The following IL1RAP variants were observed in gnomAD, a reference collection of about 807,000 sequenced individuals.
IL1RAP encodes the protein interleukin 1 receptor accessory protein.
A neutral mutation model predicts 60.7 loss-of-function variants in IL1RAP; 35 were observed. The ratio of observed to expected loss-of-function variants is 0.58; its 90% confidence interval spans 0.44 to 0.76. The LOEUF (loss-of-function observed/expected upper bound fraction) is 0.76. Ranked by LOEUF, IL1RAP falls within the 30% of genes least tolerant of loss-of-function variation. The pLI, the probability that IL1RAP is intolerant of heterozygous loss-of-function variation, is 0.00. For synonymous variants in IL1RAP, 268 were observed against 250.9 expected (o/e 1.07, Z -0.64); for missense variants, 572 against 693.9 (o/e 0.82, Z 1.97).
downstream of IL1RAP, among the ~76,000 whole-genome samples, chr3:190,653,106 C>A (rs1734475802): frequency 1.3e-5 from 2 of 152,164 alleles, no homozygotes; most frequent in African/African-American, 4.8e-5. Context: ...TAATCTACAT[C>A]TATTTAAAAC....
intron 3 of IL1RAP, among the ~76,000 whole-genome samples, chr3:190,594,645 G>A (rs537117722): frequency 2.6e-5 from 4 of 152,248 alleles, no homozygotes; most frequent in South Asian, 2.1e-4. Context: ...CTTTTAAACT[G>A]AGTGGCTATG....
At chr3:190,617,725 T>G (rs1361792080) in intron 5 of IL1RAP, among the ~76,000 whole-genome samples, 1 of 152,212 alleles carries the variant, frequency 6.6e-6, no homozygotes, top group Non-Finnish European at 1.5e-5. Context: ...GTTTATTATG[T>G]TTAAAATTAT....
At chr3:190,584,579 C>G (rs541655983) in intron 3 of IL1RAP, among the ~76,000 whole-genome samples, 1 of 152,256 alleles carries the variant, frequency 6.6e-6, no homozygotes, top group East Asian at 1.9e-4. Context: ...ACAGTAGTAT[C>G]TTGTGTGATT....
intron 5 of IL1RAP, among the ~76,000 whole-genome samples, chr3:190,618,422 T>C (rs1241782661): frequency 6.6e-6 from 1 of 152,208 alleles, no homozygotes; most frequent in Non-Finnish European, 1.5e-5. Flanking sequence ...TCATTCTTAG[T>C]TAAGAAGCTG....
At chr3:190,619,274 T>C (rs1331447081) in intron 5 of IL1RAP, among the ~76,000 whole-genome samples, 4 of 152,234 alleles carry the variant, frequency 2.6e-5, no homozygotes, top group African/African-American at 7.2e-5. Context: ...ATTCTAGATA[T>C]GTTGAATGAG....
At chr3:190,545,158 G>A (rs768998853) in intron 1 of IL1RAP, among the ~76,000 whole-genome samples, 5 of 152,048 alleles carry the variant, frequency 3.3e-5, no homozygotes, top group Admixed American at 6.5e-5. Context: ...ATTATTTTCC[G>A]GAATCTGAAG....
chr3:190,568,037 C>A, intron 3 of IL1RAP, among the ~76,000 whole-genome samples: 1 of 151,998 alleles, frequency 6.6e-6, no homozygotes, highest in African/African-American at 2.4e-5. Flanking sequence ...AAAATAGCAC[C>A]ATATAGAATA....
At chr3:190,630,566 A>T (rs906447321) in intron 9 of IL1RAP, among the ~76,000 whole-genome samples, 1 of 152,248 alleles carries the variant, frequency 6.6e-6, no homozygotes, top group Non-Finnish European at 1.5e-5. Context: ...CTTTCATTAC[A>T]ACTTTAAAAC....
chr3:190,574,017 T>G (rs1727232379), intron 3 of IL1RAP, among the ~76,000 whole-genome samples: 1 of 152,162 alleles, frequency 6.6e-6, no homozygotes, highest in Non-Finnish European at 1.5e-5. Context: ...TAGAAGTAAG[T>G]GGTAAAATTT....
chr3:190,525,795 C>CA (rs1722463502), intron 1 of IL1RAP, among the ~76,000 whole-genome samples: 1 of 152,114 alleles, frequency 6.6e-6, no homozygotes, highest in Non-Finnish European at 1.5e-5. Context: ...TTCTTATTTC[C>CA]AAATGCATTA....
chr3:190,592,320 A>G (rs1014358168), intron 3 of IL1RAP, among the ~76,000 whole-genome samples: 1 of 152,202 alleles, frequency 6.6e-6, no homozygotes, highest in Non-Finnish European at 1.5e-5. Context: ...CACTTTGATG[A>G]GAGAAGCAGA....
chr3:190,644,294 C>T lies in IL1RAP; in HGVS notation c.1098C>T (p.Ala366=). ...YTVELACGFG[A]TVLLVVILIV... ...TGGAACTGGCTTGTGGTTTTGGAGC[C>T]ACAGTCCTGCTAGTGGTGATTCTCA... Residue 366 remains alanine (A), a synonymous_variant, in exon 10 of 12, where the codon GCC becomes GCT. Transcript: ENST00000447382. 6.2e-7 allele frequency: 1 copy of T among 1,613,748 alleles called. No individual in the cohort carries two copies. The highest frequency in any genetic ancestry group is 1.3e-5 in the African/African-American group (1 of 75,004).
rs139830305 is a variant in IL1RAP at position 190,551,348 on chromosome 3, T to C, written c.-88-4782T>C. Among the ~76,000 whole-genome samples, 9 of 152,352 alleles carry C rather than the reference T, an allele frequency of 5.9e-5. No individual in the cohort carries two copies. In the East Asian group the frequency reaches 1.7e-3, roughly 29 times the overall value. ...GTTGCAAAAGAAAAATGGATGCTTA[T>C]TGTACTGATGCAAACGACTATATTG... On this transcript the variant is annotated intron_variant, in intron 1 of 11. Transcript: ENST00000447382.
At chr3:190,656,128 T>A (rs745387736), downstream of IL1RAP, 4 of 1,537,280 alleles carry the variant, frequency 2.6e-6, no homozygotes, top group Non-Finnish European at 3.5e-6. Flanking sequence ...GGGAGAAAAG[T>A]CCAAACATTC....
intron 2 of IL1RAP, among the ~76,000 whole-genome samples, chr3:190,562,745 A>G (rs550216661): frequency 4.0e-4 from 61 of 151,740 alleles, no homozygotes; most frequent in African/African-American, 1.4e-3. Context: ...CATCTGCTAC[A>G]TAACCACACA....
intron 5 of IL1RAP, among the ~76,000 whole-genome samples, chr3:190,610,260 T>C (rs1730704826): frequency 6.6e-6 from 1 of 152,274 alleles, no homozygotes; most frequent in South Asian, 2.1e-4. Context: ...GAAAATCCTT[T>C]TCTATTTTAA....
At chr3:190,530,763 T>C (rs1354600075) in intron 1 of IL1RAP, among the ~76,000 whole-genome samples, 5 of 152,230 alleles carry the variant, frequency 3.3e-5, no homozygotes, top group Admixed American at 2.6e-4. Context: ...AATTAAGACT[T>C]TGGGGCTTTA....
At chr3:190,555,132 A>C (rs1486438416) in intron 1 of IL1RAP, among the ~76,000 whole-genome samples, 1 of 152,180 alleles carries the variant, frequency 6.6e-6, no homozygotes, top group Non-Finnish European at 1.5e-5. Flanking sequence ...TGGCTAAGAA[A>C]CTTTTCTATG....
At chr3:190,581,825 A>G (rs2108680436) in intron 3 of IL1RAP, among the ~76,000 whole-genome samples, 1 of 152,336 alleles carries the variant, frequency 6.6e-6, no homozygotes, top group Middle Eastern at 3.4e-3. Context: ...GCATTAGGAT[A>G]TGGTGAAGAA....
Sources: gnomAD v4.1 joint callset for allele counts (sites outside exome capture counted in the v4.1 genomes callset) on GRCh38, gnomAD v4.1.1 for gene constraint, MANE v1.5 for transcripts, NCBI Gene and HGNC (gene_info 2026-07-23, HGNC 2026-07-21) for gene names.